Variants in STAB1 observed in about 807,000 individuals in gnomAD.
STAB1 encodes the protein stabilin-1.
Under a neutral mutation model 332.4 loss-of-function variants are expected in STAB1, and 250 were observed. That is an observed-to-expected ratio of 0.75 (90% CI 0.68 to 0.84). The LOEUF (loss-of-function observed/expected upper bound fraction) is 0.84. Among genes scored for constraint, STAB1 ranks in the 40% least tolerant of loss-of-function variants. The pLI is 0.00. For missense variants in STAB1, 3,249 were observed against 3,489.7 expected (o/e 0.93, Z 1.74); for synonymous variants, 1,475 against 1,390.4 (o/e 1.06, Z -1.35).
At chr3:52,518,967 A>G (rs1172928334) in intron 48 of STAB1, 98 bp downstream of exon 48, 1 of 1,217,680 alleles carries the variant, frequency 8.2e-7, no homozygotes, top group Non-Finnish European at 1.0e-6. Context: ...CAAGAACCCC[A>G]CCTCCCCTAG....
rs767997448 is a variant in STAB1 at position 52,507,615 on chromosome 3, C to G, written c.1992C>G (p.Gly664=). The G allele has an allele frequency of 1.2e-6, 2 of 1,613,640 alleles. No homozygotes were observed. Among genetic ancestry groups the G allele is most frequent in the East Asian group, 4.5e-5 (2 of 44,892 alleles). Residue 664 remains glycine (G), a splice_region_variant and synonymous_variant, in exon 19 of 69, where the codon GGC becomes GGG. Transcript: ENST00000321725. ...CATCCTGCCCCTGCCCTGCCCAGGGCTCCTGTGTGGACTGCCAAGCCCTGA... is the reference window on the plus strand; with the variant it reads ...CATCCTGCCCCTGCCCTGCCCAGGGGTCCTGTGTGGACTGCCAAGCCCTGA... The part of the protein sequence containing the change: ...CSEEQHKIVA[G]SCVDCQALNT...
In STAB1 at chr3:52,519,318, G is replaced by A. The variant is rs1239190325; in HGVS notation, c.5089G>A (p.Val1697Met). The change falls in exon 49 of 69, where the codon GTG becomes ATG. Residue 1697 changes from valine (V) to methionine (M), a missense_variant. Coordinates refer to ENST00000321725, the MANE Select transcript of STAB1 (RefSeq NM_015136.3). ...ARVVSSDHEAVNGILHFIDRV... is the reference protein window; with the variant it reads ...ARVVSSDHEAMNGILHFIDRV... ...CGTGGTGAGCAGCGACCATGAGGCC[G>A]TGAACGGCATCCTGCACTTCATTGA... The A allele has an allele frequency of 2.5e-6, 4 of 1,613,122 alleles. No individual in the cohort carries two copies. Among genetic ancestry groups the A allele is most frequent in the Admixed American group, 1.7e-5 (1 of 60,030 alleles).
chr3:52,518,403 C>T (rs1225422318), intron 46 of STAB1, 44 bp downstream of exon 46: 1 of 1,601,626 alleles, frequency 6.2e-7, no homozygotes, highest in Non-Finnish European at 8.5e-7. Flanking sequence ...AGTCCCACCC[C>T]TCTCTGGACT....
intron 45 of STAB1, 56 bp from the exon 46 acceptor site, chr3:52,518,256 G>T: frequency 1.2e-6 from 2 of 1,604,268 alleles, no homozygotes; most frequent in Non-Finnish European, 1.7e-6. Context: ...GCTGGGACAG[G>T]CACCAGGCCC....
Position 52,515,501 on chromosome 3 carries a change from A to G in STAB1, c.3943A>G (p.Ile1315Val), listed in dbSNP as rs771605393. 3.1e-6 allele frequency: 5 copies of G among 1,613,232 alleles called. No homozygotes were observed. In the Admixed American group the frequency reaches 5.0e-5, roughly 16 times the overall value. The stretch of plus-strand genomic sequence containing the variant: ...CTGCTCTTACACATGTGCCAAGAAG[A>G]TCCAGGTTTGCCCTGAAGCCCCCAC... ...RGCSYTCAKK[I>V]QVPDCCPGFF... is the part of the protein sequence containing the mutation. Residue 1315 changes from isoleucine (I) to valine (V), a missense_variant, in exon 37 of 69, where the codon ATC (isoleucine) becomes GTC (valine). Ile to Val is a conservative substitution (Grantham distance 29). Transcript: ENST00000321725.
In STAB1 at chr3:52,524,101, C is replaced by A. The variant is rs373591723; in HGVS notation, c.7544C>A (p.Ala2515Glu). The A allele has an allele frequency of 1.9e-6, 3 of 1,613,374 alleles. No homozygotes were observed. In the East Asian group the frequency reaches 6.7e-5, roughly 36 times the overall value. Residue 2515 changes from alanine (A) to glutamate (E), a missense_variant and splice_region_variant, in exon 68 of 69, where the codon GCG becomes GAG. Transcript: ENST00000321725. ...CACTCACCCCTCTGCTGCTCCCAGG[C>A]GGAAGATGATGCTGATGACGACTTC... Reference protein sequence around the residue: ...PMGFGFSAFQAEDDADDDFSP... With the variant: ...PMGFGFSAFQEEDDADDDFSP...
chr3:52,517,604 C>T lies in STAB1; in HGVS notation c.4618C>T (p.Leu1540Phe). 6.2e-7 allele frequency: 1 copy of T among 1,612,888 alleles called. No homozygotes were observed. Among genetic ancestry groups the T allele is most frequent in the Non-Finnish European group, 8.5e-7 (1 of 1,179,900 alleles). ...YSGDGIRTCE[L>F]LDPCSKNNGG... ...CGGGGATGGCATCCGGACCTGCGAG[C>T]TCCTGGACCCCTGCTCTAAGGTCAG... The change falls in exon 44 of 69, where the codon CTC becomes TTC. Residue 1540 changes from leucine (L) to phenylalanine (F), a missense_variant. Leu to Phe is a conservative substitution (Grantham distance 22). Coordinates refer to ENST00000321725, the MANE Select transcript of STAB1 (RefSeq NM_015136.3).
chr3:52,495,883 A>C (rs9863753), intron 1 of STAB1, among the ~76,000 whole-genome samples: 1 of 152,190 alleles, frequency 6.6e-6, no homozygotes, highest in Non-Finnish European at 1.5e-5. Context: ...ACGTGGGGCA[A>C]GTGTGTGCAC....
chr3:52,518,353 C>T lies in STAB1; in HGVS notation c.4803C>T (p.Arg1601=). The change falls in exon 46 of 69, where the codon CGC becomes CGT. Residue 1601 remains arginine (R), a synonymous_variant. Transcript: ENST00000321725. ...AGCATGCCTCATTCTTCAGCCTCCGCCTCCTGGTGAGTGGCCAGCTTGGGC... is the reference window on the plus strand; with the variant it reads ...AGCATGCCTCATTCTTCAGCCTCCGTCTCCTGGTGAGTGGCCAGCTTGGGC... The part of the protein sequence containing the change: ...RDKHASFFSL[R]LLEYKELKGD... 1 of 1,612,582 alleles carries T rather than the reference C, an allele frequency of 6.2e-7. No homozygotes were observed. The highest frequency in any genetic ancestry group is 8.5e-7 in the Non-Finnish European group (1 of 1,179,862).
rs370496951 is a variant in STAB1, at chr3:52,518,825, G to C, written c.4990G>C (p.Ala1664Pro). Residue 1664 changes from alanine to proline, a missense_variant, in exon 48 of 69, where the codon GCC becomes CCC. Ala to Pro is a conservative substitution (Grantham distance 27, BLOSUM62 -1). Coordinates refer to ENST00000321725, the MANE Select transcript of STAB1 (RefSeq NM_015136.3). The part of the protein sequence containing the change: ...RSEDLLEQGY[A>P]TALSGHPLRF... Reference sequence around the variant, plus strand: ...CGAGGACCTGCTGGAGCAGGGGTACGCCACGGCCCTCTCAGGGCACCCACT... The same window carrying C: ...CGAGGACCTGCTGGAGCAGGGGTACCCCACGGCCCTCTCAGGGCACCCACT... The C allele has an allele frequency of 3.1e-6, 5 of 1,609,500 alleles. No homozygotes were observed. The highest frequency in any genetic ancestry group is 2.7e-5 in the African/African-American group (2 of 74,978).
chr3:52,502,851 G>T, intron 6 of STAB1, 124 bp downstream of exon 6: 1 of 1,260,154 alleles, frequency 7.9e-7, no homozygotes, highest in South Asian at 1.4e-5. Flanking sequence ...AGTTGGGGAA[G>T]GGGTGTCATC....
rs1708839607 is a variant in STAB1, at chr3:52,506,089, G to A, written c.1750-81G>A. 6 of 1,523,660 alleles carry A rather than the reference G, an allele frequency of 3.9e-6. No individual in the cohort carries two copies. The African/African-American group carries it at 4.1e-5, about 10-fold the overall frequency. The allele number at this position is 1,523,660 out of a possible 1,614,324, so 94.4% of individuals were successfully genotyped here. ...GAGCCTAGGGACCAAGGGGGTGGCTGTGAGCCTCCTGGGCAGGACTGGGCG... is the reference window on the plus strand; with the variant it reads ...GAGCCTAGGGACCAAGGGGGTGGCTATGAGCCTCCTGGGCAGGACTGGGCG... On this transcript the variant is annotated intron_variant, in intron 16 of 68. Coordinates refer to ENST00000321725, the MANE Select transcript of STAB1 (RefSeq NM_015136.3).
At position 52,510,456 on chromosome 3, in the gene STAB1, G is replaced by C; in HGVS notation, c.2736G>C (p.Met912Ile). 1 of 1,613,632 alleles carries C rather than the reference G, an allele frequency of 6.2e-7. No homozygotes were observed. The highest frequency in any genetic ancestry group is 8.5e-7 in the Non-Finnish European group (1 of 1,179,982). ...CTATTGACGAGTGTGAGCTGGACAT[G>C]AGAGGTGGCTGCCACACCGATGCCC... ...CVAIDECELD[M>I]RGGCHTDALC... The change falls in exon 25 of 69, where the codon ATG (methionine) becomes ATC (isoleucine). Residue 912 changes from methionine (M) to isoleucine (I), a missense_variant. Transcript: ENST00000321725.
At chr3:52,501,980 G>C (rs1708483400) in intron 3 of STAB1, 26 bp from the exon 4 acceptor site, 2 of 1,610,752 alleles carry the variant, frequency 1.2e-6, no homozygotes, top group African/African-American at 2.7e-5. Context: ...TCTGGGCACA[G>C]AGCTGAGTAC....
At chr3:52,519,664 A>ATACC (rs2079007671) in intron 50 of STAB1, 100 bp downstream of exon 50, 2 of 1,512,618 alleles carry the variant, frequency 1.3e-6, no homozygotes, top group Admixed American at 1.8e-5. Context: ...ACCTGTGTGC[A>ATACC]CACTGTCCCG....
At position 52,519,297 on chromosome 3, in the gene STAB1, G is replaced by A; in HGVS notation, c.5068G>A (p.Val1690Met). ...SIYLNDFARV[V>M]SSDHEAVNGI... ...ATACCTCAATGACTTCGCGCGCGTG[G>A]TGAGCAGCGACCATGAGGCCGTGAA... The change falls in exon 49 of 69, where the codon GTG becomes ATG. Residue 1690 changes from valine (V) to methionine (M), a missense_variant. By Grantham distance (21) the Val-to-Met change is conservative. Coordinates refer to ENST00000321725, the MANE Select transcript of STAB1 (RefSeq NM_015136.3). 6.2e-7 allele frequency: 1 copy of A among 1,613,030 alleles called. No individual in the cohort carries two copies. The highest frequency in any genetic ancestry group is 1.7e-5 in the Admixed American group (1 of 60,034).
rs1708016224 is a variant in STAB1 at position 52,496,261 on chromosome 3, C to T, written c.78+770C>T. Among the ~76,000 whole-genome samples the T allele has an allele frequency of 3.3e-5, 5 of 152,252 alleles. No individual in the cohort carries two copies. The South Asian group carries it at 1.0e-3, about 31-fold the overall frequency. ...ACAGGCTCCTGGCTGCAGGTCTGCT[C>T]AGGCCCCATGGTAGGGGCCTCTGGG... On this transcript the variant is annotated intron_variant, in intron 1 of 68. Coordinates refer to ENST00000321725, the MANE Select transcript of STAB1 (RefSeq NM_015136.3).
At chr3:52,501,066 A>C in intron 1 of STAB1, 100 bp from the exon 2 acceptor site, 1 of 1,493,900 alleles carries the variant, frequency 6.7e-7, no homozygotes, top group Non-Finnish European at 9.1e-7. Flanking sequence ...GCAGATGGGA[A>C]GTGGCAGCTG....
Position 52,505,109 on chromosome 3 carries a change from G to C in STAB1, c.1484G>C (p.Trp495Ser). The C allele has an allele frequency of 6.2e-7, 1 of 1,613,446 alleles. No homozygotes were observed. The highest frequency in any genetic ancestry group is 8.5e-7 in the Non-Finnish European group (1 of 1,179,960). The change falls in exon 13 of 69, where the codon TGG (tryptophan) becomes TCG (serine). Residue 495 changes from tryptophan to serine, a missense_variant. Transcript: ENST00000321725. ...TTCCACGTGGTCACTGGCCTGCGGTGGCAGGCCCCCTCTGGGACCCCTGGG... is the reference window on the plus strand; with the variant it reads ...TTCCACGTGGTCACTGGCCTGCGGTCGCAGGCCCCCTCTGGGACCCCTGGG... ...GVFHVVTGLR[W>S]QAPSGTPGDP... is the part of the protein sequence containing the mutation.
Sources: allele counts gnomAD v4.1 joint callset (sites outside exome capture counted in the v4.1 genomes callset), GRCh38; gene constraint gnomAD v4.1.1; transcripts MANE v1.5; gene names NCBI Gene and HGNC (gene_info 2026-07-23, HGNC 2026-07-21).